KALRN: variants seen among roughly 807,000 people sequenced by gnomAD.
The protein encoded by KALRN is kalirin.
In KALRN, 70 loss-of-function variants were observed where a neutral mutation model predicts 353.7. The observed-to-expected ratio is 0.20, with a 90% CI of 0.16 to 0.24. The LOEUF (loss-of-function observed/expected upper bound fraction) is 0.24. KALRN is among the 10% of genes least tolerant of loss of function. KALRN has a pLI of 1.00. For missense variants in KALRN, 2,791 were observed against 3,756.7 expected, an observed-to-expected ratio of 0.74 and a Z score of 6.72; for synonymous variants, 1,391 against 1,434.8, an observed-to-expected ratio of 0.97 and a Z score of 0.69.
intron 16 of KALRN, among the ~76,000 whole-genome samples, chr3:124,432,916 T>G (rs557031749): frequency 3.9e-5 from 6 of 152,252 alleles, no homozygotes; most frequent in African/African-American, 1.4e-4. Context: ...TAGAAGATAT[T>G]GGGAATGAAA....
intron 10 of KALRN, among the ~76,000 whole-genome samples, chr3:124,347,601 G>T (rs748155338): frequency 2.6e-5 from 4 of 152,092 alleles, no homozygotes; most frequent in Non-Finnish European, 5.9e-5. Context: ...ATCTAAAAAT[G>T]CCTTGTCCAC....
intron 5 of KALRN, among the ~76,000 whole-genome samples, chr3:124,269,714 GT>G (rs1051029287): frequency 3.3e-5 from 5 of 152,222 alleles, no homozygotes; most frequent in African/African-American, 1.2e-4. Flanking sequence ...GCCCTGCAAT[GT>G]ATTTTACCAT....
intron 1 of KALRN, among the ~76,000 whole-genome samples, chr3:124,146,901 A>G (rs1014279886): frequency 2.0e-5 from 3 of 149,056 alleles, no homozygotes; most frequent in Admixed American, 6.7e-5. Context: ...AAAAGAAAAG[A>G]AAAAAAAAGA....
chr3:124,634,402 C>T (rs970115195), intron 36 of KALRN, among the ~76,000 whole-genome samples: 4 of 152,152 alleles, frequency 2.6e-5, no homozygotes, highest in Admixed American at 2.0e-4. Context: ...TTTGCAATGA[C>T]GGTATGAGGA....
At chr3:124,626,853 A>T (rs2080017485) in intron 34 of KALRN, among the ~76,000 whole-genome samples, 1 of 152,216 alleles carries the variant, frequency 6.6e-6, no homozygotes, top group Non-Finnish European at 1.5e-5. Context: ...TGTGTGGTGG[A>T]GTCAGATCTG....
chr3:124,579,967 A>T lies in KALRN; in HGVS notation c.5182+16878A>T, dbSNP rs570772779. Among the ~76,000 whole-genome samples, 23 of 152,326 alleles carry T rather than the reference A, an allele frequency of 1.5e-4. 1 individual carries two copies. In the East Asian group the frequency reaches 4.2e-3, roughly 28 times the overall value. Reference sequence around the variant, plus strand: ...GCCACACCCAGAAACATGGTCTCCAAAGGGAGGAAGGCTGGTTCCTCAAAG... The same window carrying T: ...GCCACACCCAGAAACATGGTCTCCATAGGGAGGAAGGCTGGTTCCTCAAAG... On this transcript the variant is annotated intron_variant, in intron 34 of 59. Coordinates refer to ENST00000682506, the MANE Select transcript of KALRN (RefSeq NM_001388419.1).
At chr3:124,185,428 A>G (rs7625739) in intron 1 of KALRN, among the ~76,000 whole-genome samples, 3,531 of 152,298 alleles carry the variant, frequency 0.023, 123 homozygotes, top group African/African-American at 0.079. Context: ...CCTAGTTAGA[A>G]AAGGGACCAC....
At chr3:124,367,054 C>G (rs771342416) in intron 10 of KALRN, among the ~76,000 whole-genome samples, 1 of 132,482 alleles carries the variant, frequency 7.5e-6, no homozygotes, top group Non-Finnish European at 1.6e-5. Flanking sequence ...GCTGGCCGGG[C>G]GGGGGGCTGA....
In KALRN at chr3:124,694,512, A is replaced by G; in HGVS notation, c.7577+9A>G. ...TACACGGTCTCCTCTTGGTAAGCCG[A>G]TTGCCCTAACATCAGCAACAGCAGC... On this transcript the variant is annotated intron_variant, in intron 53 of 59. Transcript: ENST00000682506. 1 of 1,612,146 alleles carries G rather than the reference A, an allele frequency of 6.2e-7. No individual in the cohort carries two copies. Among genetic ancestry groups the G allele is most frequent in the Non-Finnish European group, 8.5e-7 (1 of 1,179,448 alleles).
intron 32 of KALRN, among the ~76,000 whole-genome samples, chr3:124,494,859 C>A (rs1221382530): frequency 6.6e-6 from 1 of 152,160 alleles, no homozygotes; most frequent in Non-Finnish European, 1.5e-5. Flanking sequence ...GTTTCCCTGT[C>A]CCCTGATGCC....
chr3:124,128,252 A>G (rs1436929600), intron 1 of KALRN, among the ~76,000 whole-genome samples: 1 of 152,226 alleles, frequency 6.6e-6, no homozygotes, highest in African/African-American at 2.4e-5. Flanking sequence ...AGATCAGTTT[A>G]TGAACAAAGA....
rs138414893 is a variant in KALRN, at chr3:124,518,651, C to T, written c.4935+22238C>T. ...CCCGCCTGGGCCATGGGCTCACCCT[C>T]GGGGCTCCCTTCTTCTCTACTGGGT... On this transcript the variant is annotated intron_variant, in intron 33 of 59. Coordinates refer to ENST00000682506, the MANE Select transcript of KALRN (RefSeq NM_001388419.1). 1.3e-4 allele frequency: 189 copies of T among 1,451,724 alleles called. No individual in the cohort carries two copies. The African/African-American group carries it at 2.4e-3, about 18-fold the overall frequency. 89.9% of individuals were successfully genotyped at this position (1,451,724 alleles called of 1,614,324 possible).
At chr3:124,309,111 T>C (rs532485386) in intron 6 of KALRN, among the ~76,000 whole-genome samples, 1 of 152,248 alleles carries the variant, frequency 6.6e-6, no homozygotes, top group African/African-American at 2.4e-5. Context: ...ATAGATAATC[T>C]GAATAGACCA....
chr3:124,614,565 CT>C (rs34503439), intron 34 of KALRN, among the ~76,000 whole-genome samples: 91 of 141,508 alleles, frequency 6.4e-4, no homozygotes, highest in Admixed American at 9.2e-4. Flanking sequence ...TGGCTTTTTT[CT>C]TTTTTTTTTT....
chr3:124,533,093 A>T lies in KALRN; in HGVS notation c.4936-29750A>T, dbSNP rs533393240. Among the ~76,000 whole-genome samples, 61 of 151,406 alleles carry T rather than the reference A, an allele frequency of 4.0e-4. No homozygotes were observed. The South Asian group carries it at 0.01, about 25-fold the overall frequency. On this transcript the variant is annotated intron_variant, in intron 33 of 59. Coordinates refer to ENST00000682506, the MANE Select transcript of KALRN (RefSeq NM_001388419.1). ...TAGATACTGTAAAATAGTAATTTTT[A>T]AAAAATTGTTTATGGCTGGGCATGG... is the stretch of plus-strand genomic sequence containing the variant.
At chr3:124,711,902 T>C (rs965858144) in intron 57 of KALRN, among the ~76,000 whole-genome samples, 2 of 152,220 alleles carry the variant, frequency 1.3e-5, no homozygotes, top group Non-Finnish European at 2.9e-5. Context: ...TCTTTACTTT[T>C]GTGTATATTA....
chr3:124,234,771 T>C (rs1356661655), intron 2 of KALRN, 58 bp from the exon 3 acceptor site: 15 of 1,332,822 alleles, frequency 1.1e-5, no homozygotes, highest in Non-Finnish European at 1.6e-5. Context: ...CTTTTTCCTC[T>C]GTGGCTTTCC....
At chr3:124,495,996 TATATATATATATATATACACAC>T (rs1278797406) in intron 32 of KALRN, among the ~76,000 whole-genome samples, 1,704 of 57,404 alleles carry the variant, frequency 0.03, 263 homozygotes, top group African/African-American at 0.15. Context: ...TATATATATA[TATATATATATATATATACACAC>T]ACATATATAC....
At chr3:124,148,356 G>T (rs923305096) in intron 1 of KALRN, among the ~76,000 whole-genome samples, 4 of 152,162 alleles carry the variant, frequency 2.6e-5, no homozygotes, top group African/African-American at 9.7e-5. Context: ...TGGAGTTTGA[G>T]GAAACAGCAA....
Sources: allele counts gnomAD v4.1 joint callset (sites outside exome capture counted in the v4.1 genomes callset), GRCh38; gene constraint gnomAD v4.1.1; transcripts MANE v1.5; gene names NCBI Gene and HGNC (gene_info 2026-07-23, HGNC 2026-07-21).